Variants in TECRL observed in about 807,000 individuals in gnomAD.
The protein encoded by TECRL is trans-2,3-enoyl-CoA reductase like, also known as trans-2,3-enoyl-CoA reductase-like.
Under a neutral mutation model 52.8 loss-of-function variants are expected in TECRL, and 63 were observed. The ratio of observed to expected loss-of-function variants is 1.19; its 90% CI spans 0.97 to 1.47. The LOEUF (loss-of-function observed/expected upper bound fraction) is 1.47, where lower values mean the gene tolerates loss of function less well. TECRL is among the 40% of genes most tolerant of loss of function. TECRL has a pLI of 0.00. For missense variants in TECRL, 482 were observed against 429.6 expected, an observed-to-expected ratio of 1.12 and a Z score of -1.08; for synonymous variants, 164 against 141.9, an observed-to-expected ratio of 1.16 and a Z score of -1.10.
intron 4 of TECRL, among the ~76,000 whole-genome samples, chr4:64,320,078 TA>T (rs1410202718): frequency 6.6e-6 from 1 of 151,936 alleles, no homozygotes; most frequent in Non-Finnish European, 1.5e-5. Context: ...CATTAACTCA[TA>T]CATACATGAA....
chr4:64,334,993 ACTCAGTGACAGTCCTCC>A (rs1420726731), intron 2 of TECRL, among the ~76,000 whole-genome samples: 1 of 152,142 alleles, frequency 6.6e-6, no homozygotes, highest in Non-Finnish European at 1.5e-5. Context: ...GGACCCTTTA[ACTCAGTGACAGTCCTCC>A]CAATTTTACT....
At chr4:64,277,153 A>C, downstream of TECRL, 1 of 787,154 alleles carries the variant, frequency 1.3e-6, no homozygotes, top group Non-Finnish European at 1.9e-6. Flanking sequence ...AACTGATACA[A>C]AAAAAGTATG....
At chr4:64,383,799 T>C (rs1421080871) in intron 1 of TECRL, among the ~76,000 whole-genome samples, 1 of 152,172 alleles carries the variant, frequency 6.6e-6, no homozygotes, top group Non-Finnish European at 1.5e-5. Context: ...ATTTCTCATT[T>C]TATCATGTTT....
At position 64,305,179 on chromosome 4, in the gene TECRL, T is replaced by C. The variant is rs2109986808; in HGVS notation, c.717A>G (p.Leu239=). 4 of 1,612,420 alleles carry C rather than the reference T, an allele frequency of 2.5e-6. No homozygotes were observed. Among genetic ancestry groups the C allele is most frequent in the Non-Finnish European group, 3.4e-6 (4 of 1,178,900 alleles). ...SWIAYYINHP[L]YTPPSFGNRQ... ...AACCCTACATACATGGTGGTGTATA[T>C]AGTGGATGATTAATGTAGTAGGCAA... Residue 239 remains leucine, a synonymous_variant, in exon 7 of 12, where the codon CTA becomes CTG. Transcript: ENST00000381210.
intron 1 of TECRL, among the ~76,000 whole-genome samples, chr4:64,390,726 C>A (rs1384711): frequency 0.89 from 135,385 of 151,748 alleles, 61,159 homozygotes; most frequent in East Asian, 1. Context: ...AATCTACTGA[C>A]GTAAAGAAAC....
At chr4:64,373,643 A>G (rs990773283) in intron 2 of TECRL, among the ~76,000 whole-genome samples, 6 of 151,776 alleles carry the variant, frequency 4.0e-5, no homozygotes, top group African/African-American at 1.2e-4. Flanking sequence ...TTTTCCAACA[A>G]TAGAAATAAG....
At chr4:64,304,545 T>G (rs901991017) in intron 7 of TECRL, among the ~76,000 whole-genome samples, 1 of 152,108 alleles carries the variant, frequency 6.6e-6, no homozygotes, top group African/African-American at 2.4e-5. Flanking sequence ...ATTTAATTGT[T>G]GAGCTTTACA....
chr4:64,324,252 A>G (rs1718102616), intron 3 of TECRL, among the ~76,000 whole-genome samples: 1 of 152,162 alleles, frequency 6.6e-6, no homozygotes, highest in African/African-American at 2.4e-5. Context: ...AAAATATTTG[A>G]AAAACACTTA....
At chr4:64,343,037 A>C (rs887228109) in intron 2 of TECRL, among the ~76,000 whole-genome samples, 1 of 152,124 alleles carries the variant, frequency 6.6e-6, no homozygotes, top group East Asian at 1.9e-4. Flanking sequence ...TACAGTTAAA[A>C]TTATGTTTCT....
chr4:64,384,852 G>A (rs1056758108), intron 1 of TECRL, among the ~76,000 whole-genome samples: 5 of 152,170 alleles, frequency 3.3e-5, no homozygotes, highest in Non-Finnish European at 5.9e-5. Flanking sequence ...CACAGACACT[G>A]GAAAAGGTGG....
intron 1 of TECRL, among the ~76,000 whole-genome samples, chr4:64,390,331 G>A (rs1238679707): frequency 6.6e-6 from 1 of 151,872 alleles, no homozygotes; most frequent in Non-Finnish European, 1.5e-5. Context: ...TTCTCTCAGA[G>A]GGAATGTTTT....
intron 6 of TECRL, among the ~76,000 whole-genome samples, chr4:64,306,128 C>T (rs1724323110): frequency 6.6e-6 from 1 of 152,112 alleles, no homozygotes; most frequent in Non-Finnish European, 1.5e-5. Context: ...GCTCTTGCCT[C>T]TCTTTATTAT....
intron 2 of TECRL, among the ~76,000 whole-genome samples, chr4:64,338,949 A>T (rs1033946683): frequency 6.6e-6 from 1 of 152,142 alleles, no homozygotes; most frequent in Non-Finnish European, 1.5e-5. Flanking sequence ...ACCCAAAGGA[A>T]TATAAATCAT....
chr4:64,329,519 A>G (rs78186884), intron 2 of TECRL, among the ~76,000 whole-genome samples: 14 of 152,008 alleles, frequency 9.2e-5, no homozygotes, highest in African/African-American at 3.4e-4. Flanking sequence ...ATATGTGGGT[A>G]ATTTTAAGAA....
Position 64,301,722 on chromosome 4 carries a change from TGCA to T in TECRL, c.731-1708_731-1706del, listed in dbSNP as rs1724032360. ...TTAAGCTTTGATTTATAAAAATGAATGCACATTAGTATAGAGAAGAGAGGGTTC... is the reference window on the plus strand; with the variant it reads ...TTAAGCTTTGATTTATAAAAATGAATCATTAGTATAGAGAAGAGAGGGTTC... On this transcript the variant is annotated intron_variant, in intron 7 of 11. Coordinates refer to ENST00000381210, the MANE Select transcript of TECRL (RefSeq NM_001010874.5). Among the ~76,000 whole-genome samples, 3 of 151,210 alleles carry T rather than the reference TGCA, an allele frequency of 2.0e-5. No individual in the cohort carries two copies. In the South Asian group the frequency reaches 6.2e-4, roughly 31 times the overall value.
At chr4:64,363,754 A>C (rs1242455253) in intron 2 of TECRL, among the ~76,000 whole-genome samples, 1 of 152,160 alleles carries the variant, frequency 6.6e-6, no homozygotes, top group Admixed American at 6.6e-5. Context: ...GGGAGCTAAG[A>C]ATATAACGTA....
At chr4:64,385,753 T>G (rs913720975) in intron 1 of TECRL, among the ~76,000 whole-genome samples, 3 of 152,094 alleles carry the variant, frequency 2.0e-5, no homozygotes, top group Admixed American at 2.0e-4. Context: ...ACTCCCTCTC[T>G]GGAATAATGT....
intron 11 of TECRL, 57 bp from the exon 12 acceptor site, chr4:64,280,256 T>C: frequency 8.9e-6 from 11 of 1,237,920 alleles, no homozygotes; most frequent in Non-Finnish European, 1.2e-5. Flanking sequence ...AATGTTATAT[T>C]AGGAAAAGGA....
At chr4:64,402,426 A>G (rs1266608967) in intron 1 of TECRL, among the ~76,000 whole-genome samples, 1 of 152,098 alleles carries the variant, frequency 6.6e-6, no homozygotes, top group Non-Finnish European at 1.5e-5. Context: ...TTAAACGTCT[A>G]TGATAGCTTA....
Sources: gnomAD v4.1 joint callset for allele counts (sites outside exome capture counted in the v4.1 genomes callset) on GRCh38, gnomAD v4.1.1 for gene constraint, MANE v1.5 for transcripts, NCBI Gene and HGNC (gene_info 2026-07-23, HGNC 2026-07-21) for gene names.